Variants in AGPAT5 observed in about 807,000 individuals in gnomAD.
AGPAT5 encodes 1-acylglycerol-3-phosphate O-acyltransferase 5, also known as 1-acyl-sn-glycerol-3-phosphate acyltransferase epsilon.
In AGPAT5, 46 loss-of-function variants were observed where a neutral mutation model predicts 45.6. That is an observed-to-expected ratio of 1.01 (90% CI 0.80 to 1.29). The LOEUF is 1.29. Among genes scored for constraint, AGPAT5 ranks in the 50% most tolerant of loss-of-function variants. The pLI is 0.00. For missense variants in AGPAT5, 673 were observed against 450.7 expected (o/e 1.49, Z -4.47); for synonymous variants, 272 against 167.0 (o/e 1.63, Z -4.85).
rs1005291692 is a variant in AGPAT5 at position 6,757,646 on chromosome 8, G to A, written c.*258G>A. On this transcript the variant is annotated 3_prime_UTR_variant, in exon 8 of 8. Transcript: ENST00000285518. The stretch of plus-strand genomic sequence containing the variant: ...TTCTCCTGCTCTGTCCATTTCCTAT[G>A]AACTAATGACAACTTGAGAAGGCTG... 1 of 346,316 alleles carries A rather than the reference G, an allele frequency of 2.9e-6. No individual in the cohort carries two copies. The highest frequency in any genetic ancestry group is 2.1e-5 in the African/African-American group (1 of 48,126). 21.5% of individuals were successfully genotyped at this position (346,316 alleles called of 1,614,324 possible). A position where few individuals can be genotyped will look rare whatever the true frequency, so the allele number is the denominator to read the frequency against.
At chr8:6,731,310 C>A (rs903555327) in intron 3 of AGPAT5, among the ~76,000 whole-genome samples, 1 of 151,992 alleles carries the variant, frequency 6.6e-6, no homozygotes, top group Non-Finnish European at 1.5e-5. Flanking sequence ...TATCCATATG[C>A]GGTTTTCCTT....
Position 6,730,742 on chromosome 8 carries a change from C to A in AGPAT5, c.321C>A (p.Ile107=). 1 of 1,613,320 alleles carries A rather than the reference C, an allele frequency of 6.2e-7. No individual in the cohort carries two copies. Among genetic ancestry groups the A allele is most frequent in the Non-Finnish European group, 8.5e-7 (1 of 1,179,460 alleles). Residue 107 remains isoleucine (I), a synonymous_variant, in exon 3 of 8, where the codon ATC becomes ATA. Coordinates refer to ENST00000285518, the MANE Select transcript of AGPAT5 (RefSeq NM_018361.5). ...VDWIVADILA[I]RQNALGHVRY... ...GGATTGTTGCTGACATCTTGGCCAT[C>A]AGGCAGAATGCGCTAGGACATGTGC...
chr8:6,749,049 T>C (rs112561217), intron 6 of AGPAT5, among the ~76,000 whole-genome samples: 2,482 of 152,332 alleles, frequency 0.016, 48 homozygotes, highest in African/African-American at 0.053. Context: ...ACCTTACACG[T>C]AGGCCTTCTA....
chr8:6,743,247 C>T (rs555699598), intron 5 of AGPAT5, among the ~76,000 whole-genome samples: 3 of 152,296 alleles, frequency 2.0e-5, no homozygotes, highest in African/African-American at 7.2e-5. Context: ...TTTTGTTTCT[C>T]ATGGTGGCCT....
chr8:6,746,753 T>G (rs2116943340), intron 5 of AGPAT5, among the ~76,000 whole-genome samples: 1 of 152,348 alleles, frequency 6.6e-6, no homozygotes, highest in South Asian at 2.1e-4. Flanking sequence ...CTTACTCAGC[T>G]ACTTTCCCTC....
Position 6,732,543 on chromosome 8 carries a change from C to A in AGPAT5, c.406-18C>A. The A allele has an allele frequency of 1.3e-6, 2 of 1,575,922 alleles. No individual in the cohort carries two copies. Among genetic ancestry groups the A allele is most frequent in the South Asian group, 1.2e-5 (1 of 83,858 alleles). ...ATTTTAAAAGTAAATGCTCTTTCTC[C>A]CGATTTGATTGTGGCAGCATGGAGG... On this transcript the variant is annotated intron_variant, in intron 3 of 7. Transcript: ENST00000285518.
Position 6,757,637 on chromosome 8 carries a change from A to G in AGPAT5, c.*249A>G, listed in dbSNP as rs7830779. 8,682 of 392,588 alleles carry G rather than the reference A, an allele frequency of 0.022. 331 individuals carry two copies. Among genetic ancestry groups the G allele is most frequent in the African/African-American group, 0.1 (4,968 of 49,578 alleles). The allele number at this position is 392,588 out of a possible 1,614,324, so 24.3% of individuals were successfully genotyped here. On this transcript the variant is annotated 3_prime_UTR_variant, in exon 8 of 8. Transcript: ENST00000285518. ...AAATGGAGTTTCTCCTGCTCTGTCCATTTCCTATGAACTAATGACAACTTG... is the reference window on the plus strand; with the variant it reads ...AAATGGAGTTTCTCCTGCTCTGTCCGTTTCCTATGAACTAATGACAACTTG...
chr8:6,733,040 T>A (rs1800921506), intron 4 of AGPAT5, among the ~76,000 whole-genome samples: 1 of 152,220 alleles, frequency 6.6e-6, no homozygotes, highest in Non-Finnish European at 1.5e-5. Flanking sequence ...TAGTGCAAAT[T>A]TTGAATGTCT....
intron 1 of AGPAT5, among the ~76,000 whole-genome samples, chr8:6,715,615 A>G (rs1446765615): frequency 2.0e-5 from 3 of 152,224 alleles, no homozygotes; most frequent in Non-Finnish European, 4.4e-5. Flanking sequence ...CAGGAGTTTC[A>G]GGCACTTATT....
chr8:6,717,098 A>G (rs775536751), intron 1 of AGPAT5, among the ~76,000 whole-genome samples: 1 of 152,218 alleles, frequency 6.6e-6, no homozygotes, highest in African/African-American at 2.4e-5. Context: ...CAGAGAAGTT[A>G]AAAAAGAATT....
chr8:6,740,534 A>G (rs1335144554), intron 4 of AGPAT5, among the ~76,000 whole-genome samples: 3 of 149,324 alleles, frequency 2.0e-5, no homozygotes, highest in Admixed American at 6.7e-5. Context: ...AAATATAAAG[A>G]TACATATAAT....
chr8:6,715,784 G>C (rs1056933599), intron 1 of AGPAT5, among the ~76,000 whole-genome samples: 1 of 152,206 alleles, frequency 6.6e-6, no homozygotes, highest in Non-Finnish European at 1.5e-5. Context: ...CAGAGGTAAA[G>C]TAACTCTTTA....
intron 4 of AGPAT5, among the ~76,000 whole-genome samples, chr8:6,733,743 C>T (rs1244359415): frequency 6.6e-6 from 1 of 152,154 alleles, no homozygotes; most frequent in Non-Finnish European, 1.5e-5. Context: ...TGAATTTATA[C>T]CTTAAAATGT....
At chr8:6,725,605 A>G (rs77096940) in intron 2 of AGPAT5, among the ~76,000 whole-genome samples, 2,686 of 152,346 alleles carry the variant, frequency 0.018, 65 homozygotes, top group African/African-American at 0.058. Flanking sequence ...GTAGCACAGT[A>G]GCAGAATCAG....
intron 1 of AGPAT5, among the ~76,000 whole-genome samples, chr8:6,714,295 C>G (rs1238725138): frequency 6.6e-6 from 1 of 152,180 alleles, no homozygotes; most frequent in East Asian, 1.9e-4. Flanking sequence ...GGGTGTGTTT[C>G]TGCATTTGCT....
chr8:6,749,919 A>G (rs968983025), intron 6 of AGPAT5, among the ~76,000 whole-genome samples: 1 of 152,226 alleles, frequency 6.6e-6, no homozygotes, highest in East Asian at 1.9e-4. Flanking sequence ...AATGCGTTCC[A>G]GCCGTGATCT....
rs781190048 is a variant in AGPAT5 at position 6,755,119 on chromosome 8, G to A, written c.814G>A (p.Glu272Lys). The A allele has an allele frequency of 6.8e-6, 11 of 1,608,826 alleles. No individual in the cohort carries two copies. The highest frequency in any genetic ancestry group is 1.7e-5 in the Admixed American group (1 of 58,178). The change falls in exon 7 of 8, where the codon GAA (glutamate) becomes AAA (lysine). Residue 272 changes from glutamate (E) to lysine (K), a missense_variant. Transcript: ENST00000285518. The stretch of plus-strand genomic sequence containing the variant: ...TCGTATCGACAAAAAAGATGTCCCA[G>A]AAGAACAAGAACATATGAGAAGATG... ...IDRIDKKDVP[E>K]EQEHMRRWLH...
At chr8:6,720,707 C>T (rs1800469975) in intron 1 of AGPAT5, among the ~76,000 whole-genome samples, 1 of 152,168 alleles carries the variant, frequency 6.6e-6, no homozygotes, top group African/African-American at 2.4e-5. Context: ...GTGGCCTGAC[C>T]ATGGAGACCC....
At chr8:6,717,343 G>C (rs1800365125) in intron 1 of AGPAT5, among the ~76,000 whole-genome samples, 1 of 152,130 alleles carries the variant, frequency 6.6e-6, no homozygotes. Flanking sequence ...CGCTCCTCCA[G>C]CTTGGCATGA....
Sources: gnomAD v4.1 joint callset for allele counts (sites outside exome capture counted in the v4.1 genomes callset) on GRCh38, gnomAD v4.1.1 for gene constraint, MANE v1.5 for transcripts, NCBI Gene and HGNC (gene_info 2026-07-23, HGNC 2026-07-21) for gene names.